The following FKBP5 variants were observed in gnomAD, a reference collection of about 807,000 sequenced individuals.
FKBP5 encodes the protein FKBP prolyl isomerase 5.
Under a neutral mutation model 50.5 loss-of-function variants are expected in FKBP5, and 23 were observed. The ratio of observed to expected loss-of-function variants is 0.46; its 90% CI spans 0.33 to 0.65. The LOEUF is 0.65. Among genes scored for constraint, FKBP5 ranks in the 30% least tolerant of loss-of-function variants. The pLI is 0.02. For synonymous variants in FKBP5, 176 were observed against 190.6 expected (o/e 0.92, Z 0.63); for missense variants, 411 against 553.1 (o/e 0.74, Z 2.58).
chr6:35,627,666 T>C (rs758179837), intron 3 of FKBP5, among the ~76,000 whole-genome samples: 6 of 152,200 alleles, frequency 3.9e-5, no homozygotes, highest in Non-Finnish European at 7.3e-5. Flanking sequence ...TTATGTTTAA[T>C]TGTTTTACTT....
At chr6:35,681,390 A>C (rs1422268384) in intron 1 of FKBP5, among the ~76,000 whole-genome samples, 5 of 152,192 alleles carry the variant, frequency 3.3e-5, no homozygotes, top group African/African-American at 1.2e-4. Flanking sequence ...GAATATTTCC[A>C]TCATGCCAGA....
chr6:35,714,814 C>CAAA (rs113161701), intron 2 of FKBP5, among the ~76,000 whole-genome samples: 131 of 138,910 alleles, frequency 9.4e-4, no homozygotes, highest in African/African-American at 2.3e-3. Context: ...AACTCTGTCT[C>CAAA]AAAAAAAAAA....
chr6:35,676,933 AT>A (rs768911292), intron 1 of FKBP5, among the ~76,000 whole-genome samples: 4 of 152,218 alleles, frequency 2.6e-5, no homozygotes, highest in Non-Finnish European at 4.4e-5. Context: ...TTATAATCTC[AT>A]TTCTATTTTA....
At chr6:35,661,844 G>C (rs1765074830) in intron 1 of FKBP5, among the ~76,000 whole-genome samples, 1 of 79,832 alleles carries the variant, frequency 1.3e-5, no homozygotes, top group Non-Finnish European at 2.8e-5. Context: ...TGACAACATA[G>C]CAACTGTATG....
At chr6:35,582,697 T>C (rs1176402385) in intron 8 of FKBP5, 2 of 985,352 alleles carry the variant, frequency 2.0e-6, no homozygotes, top group Non-Finnish European at 2.4e-6. Context: ...AATTTTGTCA[T>C]AGTCTTAGGC....
chr6:35,577,413 T>G (rs911503609), intron 9 of FKBP5, among the ~76,000 whole-genome samples, 180 bp from the exon 10 acceptor site: 6 of 152,196 alleles, frequency 3.9e-5, no homozygotes, highest in African/African-American at 1.2e-4. Context: ...TTTAATGCAA[T>G]TTCTAGAAAG....
chr6:35,597,325 G>T lies in FKBP5; in HGVS notation c.588C>A (p.His196Gln), dbSNP rs750303558. 5 of 1,614,076 alleles carry T rather than the reference G, an allele frequency of 3.1e-6. No individual in the cohort carries two copies. In the South Asian group the frequency reaches 5.5e-5, roughly 18 times the overall value. ...CTTTGTCAATTCCAATTGGAATGTC[G>T]TGGTCTTCTCCTTCGCCCACAGTGA... The part of the protein sequence containing the change: ...VAFTVGEGED[H>Q]DIPIGIDKAL... Residue 196 changes from histidine (H) to glutamine (Q), a missense_variant, in exon 6 of 11, where the codon CAC becomes CAA. His to Gln is a conservative substitution (Grantham distance 24). Around this residue, in one of 3 missense-constraint regions of FKBP5, gnomAD observed 267 missense variants for 405.9 expected, o/e 0.66. Coordinates refer to ENST00000357266, the MANE Select transcript of FKBP5 (RefSeq NM_004117.4).
intron 5 of FKBP5, among the ~76,000 whole-genome samples, chr6:35,615,813 T>TG (rs1728715033): frequency 1.3e-5 from 2 of 152,224 alleles, no homozygotes; most frequent in Non-Finnish European, 1.5e-5. Context: ...ATAGTAACGT[T>TG]GCAGTAGTGA....
intron 8 of FKBP5, 147 bp from the exon 9 acceptor site, chr6:35,580,368 T>G: frequency 4.4e-6 from 3 of 676,564 alleles, no homozygotes; most frequent in Non-Finnish European, 7.6e-6. Flanking sequence ...CCAGGTACCT[T>G]TCCCACTCCC....
chr6:35,683,509 A>T (rs1765739728), intron 1 of FKBP5, among the ~76,000 whole-genome samples: 1 of 151,716 alleles, frequency 6.6e-6, no homozygotes, highest in Non-Finnish European at 1.5e-5. Flanking sequence ...TGTGTTGCCC[A>T]GGCTGGAGTG....
chr6:35,658,547 T>C (rs2150998574), intron 1 of FKBP5, among the ~76,000 whole-genome samples: 1 of 152,258 alleles, frequency 6.6e-6, no homozygotes, highest in Middle Eastern at 3.4e-3. Flanking sequence ...ATTGAGAAGT[T>C]CCCTTATTTT....
intron 3 of FKBP5, among the ~76,000 whole-genome samples, chr6:35,635,243 G>C (rs1764276211): frequency 6.6e-6 from 1 of 152,106 alleles, no homozygotes; most frequent in South Asian, 2.1e-4. Flanking sequence ...GCTTAGGCAT[G>C]ATAATCTTGC....
intron 5 of FKBP5, among the ~76,000 whole-genome samples, chr6:35,615,760 A>T (rs1215740916): frequency 6.6e-6 from 1 of 152,204 alleles, no homozygotes; most frequent in African/African-American, 2.4e-5. Flanking sequence ...ATACAAAACA[A>T]GATAGTACTT....
Position 35,623,243 on chromosome 6 carries a change from A to AAAAT in FKBP5, c.251-2973_251-2970dup, listed in dbSNP as rs560667593. Among the ~76,000 whole-genome samples, 274 of 152,336 alleles carry AAAAT rather than the reference A, an allele frequency of 1.8e-3. 1 individual carries two copies. The highest frequency in any genetic ancestry group is 6.0e-3 in the African/African-American group (248 of 41,586). ...GGCGAAAGAGCGAGACTCCGTCTCAAAAATAAATAAATAAATAAAGAGTTA... is the reference window on the plus strand; with the variant it reads ...GGCGAAAGAGCGAGACTCCGTCTCAAAAATAAATAAATAAATAAATAAAGAGTTA... On this transcript the variant is annotated intron_variant, in intron 3 of 10. Transcript: ENST00000357266.
At chr6:35,680,842 A>G (rs1765645024) in intron 1 of FKBP5, among the ~76,000 whole-genome samples, 1 of 152,198 alleles carries the variant, frequency 6.6e-6, no homozygotes, top group South Asian at 2.1e-4. Context: ...TTTAACAGAA[A>G]CAGTCACAAC....
chr6:35,576,571 A>T (rs2150948424), intron 10 of FKBP5, among the ~76,000 whole-genome samples: 1 of 150,578 alleles, frequency 6.6e-6, no homozygotes, highest in East Asian at 2.0e-4. Flanking sequence ...CAGGAGGCTG[A>T]GGTGGGAGGA....
At chr6:35,708,849 TGTTGA>T in intron 2 of FKBP5, among the ~76,000 whole-genome samples, 1 of 152,244 alleles carries the variant, frequency 6.6e-6, no homozygotes, top group African/African-American at 2.4e-5. Context: ...AGAAGCCCCA[TGTTGA>T]AGATGGCATA....
At chr6:35,716,312 G>T (rs961544106) in intron 2 of FKBP5, among the ~76,000 whole-genome samples, 4 of 152,154 alleles carry the variant, frequency 2.6e-5, no homozygotes, top group Non-Finnish European at 4.4e-5. Context: ...GTCCAAGGTT[G>T]CAGTGAGCTA....
intron 2 of FKBP5, among the ~76,000 whole-genome samples, chr6:35,637,457 CTTTTT>C (rs71002581): frequency 1.1e-4 from 8 of 73,268 alleles, no homozygotes; most frequent in Admixed American, 4.1e-4. Context: ...ACAGTAAACT[CTTTTT>C]TTTTTTTTTT....
Sources: gnomAD v4.1 joint callset for allele counts (sites outside exome capture counted in the v4.1 genomes callset) on GRCh38, gnomAD v4.1.1 for gene constraint, gnomAD v4.1.1 regional missense constraint, MANE v1.5 for transcripts, NCBI Gene and HGNC (gene_info 2026-07-23, HGNC 2026-07-21) for gene names.